The following TTLL8 variants were observed in gnomAD, a reference collection of about 807,000 sequenced individuals.
TTLL8 encodes the protein tubulin tyrosine ligase like 8, also known as protein monoglycylase TTLL8.
Under a neutral mutation model 77.8 loss-of-function variants are expected in TTLL8, and 65 were observed. The observed-to-expected ratio is 0.84, with a 90% CI of 0.68 to 1.03. The LOEUF (loss-of-function observed/expected upper bound fraction) is 1.03, where lower values mean the gene tolerates loss of function less well. Among genes scored for constraint, TTLL8 ranks in the 50% least tolerant of loss-of-function variants. The pLI, the probability that TTLL8 is intolerant of heterozygous loss-of-function variation, is 0.00. For missense variants in TTLL8, 910 were observed against 1,004.5 expected, an observed-to-expected ratio of 0.91 and a Z score of 1.27; for synonymous variants, 402 against 422.8, an observed-to-expected ratio of 0.95 and a Z score of 0.60.
chr22:50,054,685 A>G (rs889247491), upstream of TTLL8: 1 of 181,074 alleles, frequency 5.5e-6, no homozygotes, highest in Admixed American at 6.1e-5. Context: ...CCACCCTAGG[A>G]CACACAGCGG....
At chr22:50,048,439 C>T (rs890517575) in intron 3 of TTLL8, among the ~76,000 whole-genome samples, 2 of 152,062 alleles carry the variant, frequency 1.3e-5, no homozygotes, top group Non-Finnish European at 1.5e-5. Context: ...TGGGTGAGGA[C>T]GCAGAGAGAA....
exon 12 of TTLL8, chr22:50,030,477 C>A (rs777355924): frequency 3.0e-6 from 4 of 1,346,250 alleles, no homozygotes; most frequent in African/African-American, 1.5e-5. Context: ...TGTCTTCAGG[C>A]CCCGCAGCAC....
intron 4 of TTLL8, 51 bp downstream of exon 6, chr22:50,047,117 C>T: frequency 1.5e-6 from 2 of 1,358,688 alleles, no homozygotes; most frequent in Non-Finnish European, 2.0e-6. Context: ...GCAGAAGCTC[C>T]TCCCCACCAC....
rs775268734 is a variant in TTLL8 at position 50,034,303 on chromosome 22, G to T, written c.1039+42C>A. ...ACTCACGGCTCCTGGCATCAAGTGT[G>T]GCCGTTGGTGGCTATGAACGCGGTG... On this transcript the variant is annotated intron_variant, in intron 9 of 13. Transcript: ENST00000266182. This position sits in a 1 kb window ranked among gnomAD's most constrained non-coding sequence, Gnocchi z 4.1. The T allele has an allele frequency of 7.5e-7, 1 of 1,337,918 alleles. No individual in the cohort carries two copies. The highest frequency in any genetic ancestry group is 1.2e-5 in the South Asian group (1 of 85,626). 82.9% of individuals were successfully genotyped at this position (1,337,918 alleles called of 1,614,324 possible). A position where few individuals can be genotyped will look rare whatever the true frequency, so the allele number is the denominator to read the frequency against.
exon 5 of TTLL8, chr22:50,045,919 G>C (rs2061407783): frequency 7.3e-7 from 1 of 1,361,952 alleles, no homozygotes; most frequent in South Asian, 1.1e-5. Context: ...AAGGAGTCGG[G>C]GTTGGCCGGG....
rs751847069 is a variant in TTLL8, at chr22:50,033,186, C to T, written c.1283+16G>A. 1.5e-5 allele frequency: 20 copies of T among 1,303,242 alleles called. No homozygotes were observed. Among genetic ancestry groups the T allele is most frequent in the South Asian group, 2.4e-5 (2 of 83,174 alleles). 80.7% of individuals were successfully genotyped at this position (1,303,242 alleles called of 1,614,324 possible). ...ATTCCCTGGCCCGAGGTGTCCAGGT[C>T]GCCCACCGCACTGACCTGTCCAGCT... On this transcript the variant is annotated intron_variant, in intron 10 of 13. Coordinates refer to ENST00000266182, the Ensembl canonical transcript of TTLL8.
At position 50,041,630 on chromosome 22, in the gene TTLL8, G is replaced by T. The variant is rs751926511; in HGVS notation, c.821C>A (p.Ser274Tyr). Residue 274 changes from serine to tyrosine, a missense_variant, in exon 7 of 14, where the codon TCC becomes TAC. Transcript: ENST00000266182. The surrounding 1 kb of genome is among the most constrained non-coding windows in gnomAD (Gnocchi z 4.3). ...CCTGCGTAAGTCTTACTGAACGAGG[G>T]AGTAGTACTGCTGGGTCAGGTCCTC... The T allele has an allele frequency of 7.3e-7, 1 of 1,362,994 alleles. No homozygotes were observed. Among genetic ancestry groups the T allele is most frequent in the African/African-American group, 1.5e-5 (1 of 67,490 alleles). 84.4% of individuals were successfully genotyped at this position (1,362,994 alleles called of 1,614,324 possible). A position where few individuals can be genotyped will look rare whatever the true frequency, so the allele number is the denominator to read the frequency against.
intron 8 of TTLL8, among the ~76,000 whole-genome samples, chr22:50,040,068 C>T (rs573565285): frequency 2.2e-4 from 32 of 146,362 alleles, no homozygotes; most frequent in African/African-American, 6.6e-4. Flanking sequence ...ACAGAGCTCA[C>T]GGACCTCACA....
chr22:50,052,843 G>C (rs534314030), intron 1 of TTLL8, among the ~76,000 whole-genome samples: 4 of 152,216 alleles, frequency 2.6e-5, no homozygotes, highest in Non-Finnish European at 5.9e-5. Flanking sequence ...CTCAGTAATT[G>C]ATAGAATGCA....
At chr22:50,057,028 G>C (rs2061474368), upstream of TTLL8, 10 of 1,213,292 alleles carry the variant, frequency 8.2e-6, no homozygotes, top group South Asian at 1.0e-4. Flanking sequence ...GGGGGCTCTG[G>C]GGATGGAGAG....
upstream of TTLL8, chr22:50,056,909 C>G (rs187721673): frequency 1.6e-6 from 2 of 1,289,726 alleles, no homozygotes; most frequent in East Asian, 5.5e-5. The surrounding 1 kb of genome is among the most constrained non-coding windows in gnomAD (Gnocchi z 4.1). Context: ...AAGAAGCCAA[C>G]GATAGCCCCT....
chr22:50,020,903 CGTGCACTCCTCCATCTGA>C (rs2061193309), intron 12 of TTLL8, among the ~76,000 whole-genome samples: 1 of 131,516 alleles, frequency 7.6e-6, no homozygotes, highest in Non-Finnish European at 1.6e-5. Flanking sequence ...CTCCATCTGA[CGTGCACTCCTCCATCTGA>C]ATGTGTACTC....
At chr22:50,035,903 GGACCA>G (rs748290190) in intron 8 of TTLL8, among the ~76,000 whole-genome samples, 8 of 152,214 alleles carry the variant, frequency 5.3e-5, no homozygotes, top group Non-Finnish European at 1.2e-4. Context: ...TATTTGGGCA[GGACCA>G]CTGTCCCCAC....
rs1189380975 is a variant in TTLL8, at chr22:50,028,727, A to G, written c.2203+1703T>C. ...TCCTGAAGACCCCACACACCCTCGT[A>G]AAGACCCCATCACACCGTCCTAAAG... is the stretch of plus-strand genomic sequence containing the variant. On this transcript the variant is annotated intron_variant, in intron 12 of 13. Coordinates refer to ENST00000266182, the Ensembl canonical transcript of TTLL8. Among the ~76,000 whole-genome samples, 4 of 41,558 alleles carry G rather than the reference A, an allele frequency of 9.6e-5. No individual in the cohort carries two copies. The East Asian group carries it at 2.2e-3, about 23-fold the overall frequency. 27.3% of individuals were successfully genotyped at this position (41,558 alleles called of 152,430 possible). A position where few individuals can be genotyped will look rare whatever the true frequency, so the allele number is the denominator to read the frequency against.
upstream of TTLL8, among the ~76,000 whole-genome samples, chr22:50,057,276 GC>G (rs1352572824): frequency 4.0e-4 from 57 of 142,216 alleles, no homozygotes; most frequent in South Asian, 9.0e-4. Flanking sequence ...TCAGGTCTGG[GC>G]TTGGGGGTCA....
chr22:50,037,237 C>T (rs1015973200), intron 8 of TTLL8, among the ~76,000 whole-genome samples: 3 of 150,948 alleles, frequency 2.0e-5, no homozygotes, highest in Non-Finnish European at 4.4e-5. Context: ...CAGAGTCTTG[C>T]TCTGTTGCCC....
At chr22:50,023,994 C>T (rs1206077213) in intron 12 of TTLL8, among the ~76,000 whole-genome samples, 1 of 152,212 alleles carries the variant, frequency 6.6e-6, no homozygotes, top group East Asian at 1.9e-4. Flanking sequence ...CACTCCAGCC[C>T]GGGCAACTGT....
At position 50,050,198 on chromosome 22, in the gene TTLL8, G is replaced by GCGGC; in HGVS notation, c.97_100dup (p.Ala34GlyfsTer26). The GCGGC allele has an allele frequency of 7.3e-7, 1 of 1,361,518 alleles. No homozygotes were observed. The highest frequency in any genetic ancestry group is 1.2e-5 in the South Asian group (1 of 86,466). The allele number at this position is 1,361,518 out of a possible 1,614,324, so 84.3% of individuals were successfully genotyped here. A position where few individuals can be genotyped will look rare whatever the true frequency, so the allele number is the denominator to read the frequency against. On this transcript the variant is annotated frameshift_variant, in exon 2 of 14. Coordinates refer to ENST00000266182, the Ensembl canonical transcript of TTLL8. LOFTEE classifies it high-confidence loss of function. Reference sequence around the variant, plus strand: ...CTCTACCCAGCCCTTCCTTCGCAGAGCGGCCCGGACCACCGGGTAGTGTCC... The same window carrying GCGGC: ...CTCTACCCAGCCCTTCCTTCGCAGAGCGGCCGGCCCGGACCACCGGGTAGTGTCC...
At chr22:50,030,950 T>G (rs769589598) in intron 11 of TTLL8, 25 bp from the exon 13 acceptor site, 1 of 1,307,640 alleles carries the variant, frequency 7.6e-7, no homozygotes, top group African/African-American at 1.5e-5. Context: ...CAGGTTGGGG[T>G]GCTGGGCTGT....
Sources: allele counts gnomAD v4.1 joint callset (sites outside exome capture counted in the v4.1 genomes callset), GRCh38; gene constraint gnomAD v4.1.1; non-coding constraint Gnocchi (gnomAD v3.1); transcripts MANE v1.5; gene names NCBI Gene and HGNC (gene_info 2026-07-23, HGNC 2026-07-21).